Variants in ADGRL1 observed in about 807,000 individuals in gnomAD.
ADGRL1 encodes adhesion G protein-coupled receptor L1.
Under a neutral mutation model 148.9 loss-of-function variants are expected in ADGRL1, and 31 were observed. That is an observed-to-expected ratio of 0.21 (90% CI 0.16 to 0.28). ADGRL1 has a LOEUF of 0.28. Ranked by LOEUF, ADGRL1 falls within the 10% of genes least tolerant of loss-of-function variation. ADGRL1 has a pLI of 1.00. For synonymous variants in ADGRL1, 937 were observed against 900.3 expected (o/e 1.04, Z -0.73); for missense variants, 1,521 against 2,058.8 (o/e 0.74, Z 5.05).
chr19:14,187,208 G>A (rs540698198), intron 1 of ADGRL1, among the ~76,000 whole-genome samples: 57 of 152,134 alleles, frequency 3.7e-4, no homozygotes, highest in African/African-American at 1.3e-3. Context: ...GCGTGGTGGC[G>A]GGTGCCTGTA....
intron 1 of ADGRL1, among the ~76,000 whole-genome samples, chr19:14,190,687 T>C (rs1204175884): frequency 6.6e-6 from 1 of 152,260 alleles, no homozygotes; most frequent in East Asian, 1.9e-4. Flanking sequence ...AATTCTTTTT[T>C]AGATTCCACA....
intron 3 of ADGRL1, among the ~76,000 whole-genome samples, chr19:14,171,727 C>A (rs1269467091): frequency 6.6e-6 from 1 of 152,194 alleles, no homozygotes; most frequent in Non-Finnish European, 1.5e-5. Flanking sequence ...GAGAGAGCAT[C>A]CCCAGGGGAA....
intron 3 of ADGRL1, among the ~76,000 whole-genome samples, chr19:14,175,112 T>C (rs939195711): frequency 6.6e-6 from 1 of 151,992 alleles, no homozygotes; most frequent in Non-Finnish European, 1.5e-5. Flanking sequence ...CAAAGTTCTG[T>C]GATTACAGGC....
In ADGRL1 at chr19:14,162,456, ACAGCGTCTGT is replaced by A; in HGVS notation, c.1195+140_1195+149del. 1.5e-6 allele frequency: 1 copy of A among 660,762 alleles called. No individual in the cohort carries two copies. The highest frequency in any genetic ancestry group is 2.7e-5 in the East Asian group (1 of 37,684). 40.9% of individuals were successfully genotyped at this position (660,762 alleles called of 1,614,324 possible). A position where few individuals can be genotyped will look rare whatever the true frequency, so the allele number is the denominator to read the frequency against. On this transcript the variant is annotated intron_variant, in intron 5 of 22. Transcript: ENST00000361434. This position sits in a 1 kb window ranked among gnomAD's most constrained non-coding sequence, Gnocchi z 5.4. ...AGTTAATGACTGTGAAGTGCTTAGAACAGCGTCTGTCACATGCTGTGAATTTCCTTTACCT... is the reference window on the plus strand; with the variant it reads ...AGTTAATGACTGTGAAGTGCTTAGAACACATGCTGTGAATTTCCTTTACCT...
chr19:14,198,739 G>A (rs1972421352), intron 1 of ADGRL1, among the ~76,000 whole-genome samples: 1 of 152,072 alleles, frequency 6.6e-6, no homozygotes, highest in Non-Finnish European at 1.5e-5. Context: ...TCTGACCTCA[G>A]GGCAGCCCCT....
chr19:14,205,715 C>T (rs1014514550), intron 1 of ADGRL1, among the ~76,000 whole-genome samples: 4 of 151,088 alleles, frequency 2.6e-5, no homozygotes, highest in Admixed American at 1.3e-4. Context: ...CCGCCAGGCA[C>T]CCTGCGGTAG....
Position 14,149,565 on chromosome 19 carries a change from G to C in ADGRL1, c.*1308C>G, listed in dbSNP as rs1967944638. ...GACAAAGCATCTTTGGGTGTGAAGAGGTCTCCCCCGGGCCGGTGGGGAGGG... is the reference window on the plus strand; with the variant it reads ...GACAAAGCATCTTTGGGTGTGAAGACGTCTCCCCCGGGCCGGTGGGGAGGG... On this transcript the variant is annotated 3_prime_UTR_variant, in exon 23 of 23. Transcript: ENST00000361434. The C allele has an allele frequency of 6.5e-6, 1 of 152,750 alleles. No individual in the cohort carries two copies. The highest frequency in any genetic ancestry group is 1.5e-5 in the Non-Finnish European group (1 of 68,176). 9.5% of individuals were successfully genotyped at this position (152,750 alleles called of 1,614,324 possible). A position where few individuals can be genotyped will look rare whatever the true frequency, so the allele number is the denominator to read the frequency against.
Position 14,161,352 on chromosome 19 carries a change from C to T in ADGRL1, c.1470G>A (p.Gln490=). ...GGCAGGGCCTCTCCACCAGCATGCC[C>T]TGCTGGGTGGCCGGCCACTGGACCC... ...VRRVQWPATQ[Q]GMLVERPCPK... The change falls in exon 6 of 23, where the codon CAG becomes CAA. Residue 490 remains glutamine (Q), a synonymous_variant. Coordinates refer to ENST00000361434, the MANE Select transcript of ADGRL1 (RefSeq NM_014921.5). The surrounding 1 kb of genome is among the most constrained non-coding windows in gnomAD (Gnocchi z 4.4). 2 of 1,590,774 alleles carry T rather than the reference C, an allele frequency of 1.3e-6. No homozygotes were observed. Among genetic ancestry groups the T allele is most frequent in the Middle Eastern group, 3.5e-4 (2 of 5,752 alleles).
rs771049630 is a variant in ADGRL1, at chr19:14,155,887, G to A, written c.3125+223C>T. On this transcript the variant is annotated intron_variant, in intron 17 of 22. Coordinates refer to ENST00000361434, the MANE Select transcript of ADGRL1 (RefSeq NM_014921.5). This position sits in a 1 kb window ranked among gnomAD's most constrained non-coding sequence, Gnocchi z 5.0. ...TGAATTTAGCCTCAGCCTACATACCGATGCCCCTAAAACCACAGGTTGGAC... is the reference window on the plus strand; with the variant it reads ...TGAATTTAGCCTCAGCCTACATACCAATGCCCCTAAAACCACAGGTTGGAC... 10 of 586,274 alleles carry A rather than the reference G, an allele frequency of 1.7e-5. No homozygotes were observed. Among genetic ancestry groups the A allele is most frequent in the South Asian group, 4.2e-5 (2 of 48,134 alleles). The allele number at this position is 586,274 out of a possible 1,614,324, so 36.3% of individuals were successfully genotyped here.
intron 3 of ADGRL1, among the ~76,000 whole-genome samples, chr19:14,175,765 C>T (rs932644011): frequency 6.6e-5 from 10 of 152,106 alleles, no homozygotes; most frequent in Admixed American, 5.9e-4. Flanking sequence ...CAAATACACA[C>T]ACAGGCCAGG....
intron 2 of ADGRL1, 125 bp downstream of exon 2, chr19:14,183,408 G>T: frequency 1.2e-6 from 1 of 863,762 alleles, no homozygotes; most frequent in Non-Finnish European, 1.8e-6. Flanking sequence ...CTCCAGCTGA[G>T]GTCTGGGGCG....
At chr19:14,186,241 A>C (rs1971565983) in intron 1 of ADGRL1, among the ~76,000 whole-genome samples, 2 of 152,022 alleles carry the variant, frequency 1.3e-5, no homozygotes, top group South Asian at 4.2e-4. Context: ...TTTATTTTGC[A>C]AAGATGAGGT....
In ADGRL1 at chr19:14,149,622, G is replaced by C. The variant is rs1029318194; in HGVS notation, c.*1251C>G. On this transcript the variant is annotated 3_prime_UTR_variant, in exon 23 of 23. Coordinates refer to ENST00000361434, the MANE Select transcript of ADGRL1 (RefSeq NM_014921.5). ...GAGACAGGCCTCTGGTCCTGGGGCA[G>C]GCAGTGAGAGGTACACGCCCCAGAA... is the stretch of plus-strand genomic sequence containing the variant. 1 of 152,710 alleles carries C rather than the reference G, an allele frequency of 6.5e-6. No individual in the cohort carries two copies. The highest frequency in any genetic ancestry group is 1.5e-5 in the Non-Finnish European group (1 of 68,118). The allele number at this position is 152,710 out of a possible 1,614,324, so 9.5% of individuals were successfully genotyped here. A position where few individuals can be genotyped will look rare whatever the true frequency, so the allele number is the denominator to read the frequency against.
chr19:14,183,179 C>T (rs746025751), intron 2 of ADGRL1, among the ~76,000 whole-genome samples: 40 of 141,740 alleles, frequency 2.8e-4, no homozygotes, highest in Non-Finnish European at 4.7e-4. Context: ...GTGAGAGCCT[C>T]GAAGATGTAA....
rs558908560 is a variant in ADGRL1 at position 14,161,128 on chromosome 19, G to C, written c.1510+184C>G. Reference sequence around the variant, plus strand: ...CTCCTGCGGACTCCCTGCAGGTTCTGCAGGTGGGGCCAGGGGCACTGAGTG... The same window carrying C: ...CTCCTGCGGACTCCCTGCAGGTTCTCCAGGTGGGGCCAGGGGCACTGAGTG... On this transcript the variant is annotated intron_variant, in intron 6 of 22. Coordinates refer to ENST00000361434, the MANE Select transcript of ADGRL1 (RefSeq NM_014921.5). This position sits in a 1 kb window ranked among gnomAD's most constrained non-coding sequence, Gnocchi z 4.4. Among the ~76,000 whole-genome samples, 52 of 152,358 alleles carry C rather than the reference G, an allele frequency of 3.4e-4. No individual in the cohort carries two copies. The highest frequency in any genetic ancestry group is 1.2e-3 in the African/African-American group (50 of 41,588).
In ADGRL1 at chr19:14,155,791, A is replaced by T. The variant is rs896511115; in HGVS notation, c.3126-264T>A. The T allele has an allele frequency of 3.5e-6, 2 of 577,330 alleles. No individual in the cohort carries two copies. The highest frequency in any genetic ancestry group is 3.7e-5 in the African/African-American group (2 of 53,448). The allele number at this position is 577,330 out of a possible 1,614,324, so 35.8% of individuals were successfully genotyped here. A position where few individuals can be genotyped will look rare whatever the true frequency, so the allele number is the denominator to read the frequency against. On this transcript the variant is annotated intron_variant, in intron 17 of 22. Transcript: ENST00000361434. This position sits in a 1 kb window ranked among gnomAD's most constrained non-coding sequence, Gnocchi z 5.0. ...TCTGCCAACTTCATTGTTTCTGCTA[A>T]ATTTCCAGACCACTTAGGCTATATT...
chr19:14,201,569 C>G (rs1410918945), intron 1 of ADGRL1, among the ~76,000 whole-genome samples: 3 of 151,844 alleles, frequency 2.0e-5, no homozygotes, highest in Admixed American at 1.3e-4. Flanking sequence ...GGTACATATT[C>G]ACGATGCCCA....
chr19:14,159,698 G>C lies in ADGRL1; in HGVS notation c.1839+37C>G. The C allele has an allele frequency of 1.9e-6, 3 of 1,609,272 alleles. No individual in the cohort carries two copies. Among genetic ancestry groups the C allele is most frequent in the Non-Finnish European group, 2.6e-6 (3 of 1,175,920 alleles). On this transcript the variant is annotated intron_variant, in intron 9 of 22. Transcript: ENST00000361434. This position sits in a 1 kb window ranked among gnomAD's most constrained non-coding sequence, Gnocchi z 6.0. ...ACCCCTAATCCCCCCATCAGCTGGA[G>C]CCCACGGTCCTTACACTGGGACCCC...
intron 1 of ADGRL1, among the ~76,000 whole-genome samples, chr19:14,202,885 G>A (rs1393362791): frequency 1.3e-5 from 2 of 151,962 alleles, no homozygotes. Flanking sequence ...GAGTCTGATG[G>A]TCACGTGGCC....
Sources: allele counts gnomAD v4.1 joint callset (sites outside exome capture counted in the v4.1 genomes callset), GRCh38; gene constraint gnomAD v4.1.1; non-coding constraint Gnocchi (gnomAD v3.1); transcripts MANE v1.5; gene names NCBI Gene and HGNC (gene_info 2026-07-23, HGNC 2026-07-21).